PAK3: variants seen among roughly 807,000 people sequenced by gnomAD.
The protein encoded by PAK3 is serine/threonine-protein kinase PAK 3.
Under a neutral mutation model 41.0 loss-of-function variants are expected in PAK3, and 4 were observed. The observed-to-expected ratio is 0.10, with a 90% CI of 0.05 to 0.22. PAK3 has a LOEUF of 0.22. PAK3 is among the 10% of genes least tolerant of loss of function. The pLI, the probability that PAK3 is intolerant of heterozygous loss-of-function variation, is 1.00. For synonymous variants in PAK3, 146 were observed against 139.6 expected, an observed-to-expected ratio of 1.05 and a Z score of -0.32; for missense variants, 205 against 409.9, an observed-to-expected ratio of 0.50 and a Z score of 4.32.
chrX:111,054,914 G>T (rs993985074), intron 1 of PAK3, among the ~76,000 whole-genome samples: 1 of 111,576 alleles, frequency 9.0e-6, no homozygotes, highest in Admixed American at 9.5e-5. Context: ...ATACTGATTG[G>T]TCAGTGTCCA....
At chrX:111,083,251 C>A (rs1844776494) in intron 1 of PAK3, among the ~76,000 whole-genome samples, 1 of 112,179 alleles carries the variant, frequency 8.9e-6, no homozygotes, top group African/African-American at 3.2e-5. Context: ...AATCAAAATA[C>A]AGCACAGAAA....
intron 1 of PAK3, among the ~76,000 whole-genome samples, chrX:111,083,700 T>C (rs760958566): frequency 1.8e-5 from 2 of 112,816 alleles, no homozygotes; most frequent in East Asian, 5.6e-4. Context: ...CTCTTTGATC[T>C]ACTGCTACAA....
At chrX:111,129,513 T>C (rs1603278782) in intron 5 of PAK3, among the ~76,000 whole-genome samples, 1 of 111,156 alleles carries the variant, frequency 9.0e-6, no homozygotes, top group East Asian at 2.8e-4. Context: ...GAGTCTCTTG[T>C]ACTACTCCTT....
rs780538892 is a variant in PAK3 at position 111,054,003 on chromosome X, G to C, written c.-27-69074G>C. ...TTACACAATCTGGATACTGGCCTTT[G>C]TGGCCTACCCAGCCACTCTTTACTC... On this transcript the variant is annotated intron_variant, in intron 1 of 14. Transcript: ENST00000425146. Among the ~76,000 whole-genome samples, 269 of 112,123 alleles carry C rather than the reference G, an allele frequency of 2.4e-3. 2 individuals carry two copies. The highest frequency in any genetic ancestry group is 7.7e-3 in the African/African-American group (236 of 30,849).
chrX:111,034,513 T>G (rs1319022404), intron 1 of PAK3, among the ~76,000 whole-genome samples: 1 of 111,857 alleles, frequency 8.9e-6, no homozygotes, highest in African/African-American at 3.3e-5. Context: ...ACAGTGATGC[T>G]TCTGTTTCAG....
intron 1 of PAK3, among the ~76,000 whole-genome samples, chrX:111,089,923 C>T (rs530690849): frequency 2.7e-5 from 3 of 110,927 alleles, no homozygotes; most frequent in Non-Finnish European, 3.8e-5. Context: ...CCAAGTTTGA[C>T]TCACCTATGT....
rs1435306962 is a variant in PAK3 at position 111,220,958 on chromosome X, A to AC, written c.*511_*512insC. ...AAAAAAGCAAGGCAAAAAAAAAAAA[A>AC]AAAACAAACAAAAACAAAAACAAAA... On this transcript the variant is annotated 3_prime_UTR_variant, in exon 18 of 18. Transcript: ENST00000372007. The AC allele has an allele frequency of 9.0e-6, 1 of 110,865 alleles. No individual in the cohort carries two copies. Among genetic ancestry groups the AC allele is most frequent in the African/African-American group, 3.3e-5 (1 of 29,949 alleles). 9.1% of individuals were successfully genotyped at this position (110,865 alleles called of 1,213,427 possible). A position where few individuals can be genotyped will look rare whatever the true frequency, so the allele number is the denominator to read the frequency against.
chrX:111,138,245 C>T (rs140482724), intron 5 of PAK3, among the ~76,000 whole-genome samples: 19,033 of 109,936 alleles, frequency 0.17, 3,419 homozygotes, highest in African/African-American at 0.55. Context: ...ATGACTGTTG[C>T]GGAGATTAAA....
chrX:111,151,142 A>T (rs1407514171), intron 7 of PAK3, among the ~76,000 whole-genome samples: 4 of 112,158 alleles, frequency 3.6e-5, no homozygotes, highest in African/African-American at 6.5e-5. Flanking sequence ...TATCTAAGAG[A>T]TCCTGGTGAT....
At chrX:110,983,752 C>T (rs756135551) in intron 1 of PAK3, among the ~76,000 whole-genome samples, 7 of 111,352 alleles carry the variant, frequency 6.3e-5, no homozygotes, top group Non-Finnish European at 1.3e-4. Flanking sequence ...GATGATCTGC[C>T]ACCATAGGTG....
intron 3 of PAK3, among the ~76,000 whole-genome samples, chrX:111,100,998 G>A (rs1168710539): frequency 8.9e-6 from 1 of 111,889 alleles, no homozygotes. Flanking sequence ...GACACAATAC[G>A]AATTAGACAC....
At chrX:111,092,067 C>G (rs1385381339), upstream of PAK3, among the ~76,000 whole-genome samples, 1 of 111,308 alleles carries the variant, frequency 9.0e-6, no homozygotes, top group Non-Finnish European at 1.9e-5. Context: ...CAGTGCCTGC[C>G]CAGGTATGGC....
At chrX:111,096,869 TACACACACACACACACACACACACAC>T (rs771301130) in intron 1 of PAK3, 1 of 72,207 alleles carries the variant, frequency 1.4e-5, no homozygotes, top group African/African-American at 5.2e-5. Context: ...CCCCGCCCCT[TACACACACACACACACACACACACAC>T]ACACACACAC....
chrX:111,119,018 C>G (rs1010889969), intron 4 of PAK3, among the ~76,000 whole-genome samples: 3 of 111,373 alleles, frequency 2.7e-5, no homozygotes, highest in African/African-American at 9.8e-5. Context: ...GAAGGTCACT[C>G]TGTATGTGTT....
intron 1 of PAK3, among the ~76,000 whole-genome samples, chrX:111,074,989 A>C (rs759476407): frequency 1.1e-4 from 12 of 112,145 alleles, no homozygotes; most frequent in Non-Finnish European, 1.7e-4. Context: ...ATTTCTAAGC[A>C]GCAAAGTGTT....
chrX:110,995,336 A>G (rs773850029), intron 1 of PAK3, among the ~76,000 whole-genome samples: 4 of 111,406 alleles, frequency 3.6e-5, no homozygotes, highest in Non-Finnish European at 7.5e-5. Flanking sequence ...CATGGCATAC[A>G]TATTCCAACC....
At chrX:111,105,023 TCA>T (rs1304155150) in intron 4 of PAK3, among the ~76,000 whole-genome samples, 2 of 111,546 alleles carry the variant, frequency 1.8e-5, no homozygotes, top group African/African-American at 6.5e-5. Context: ...TCTTGTACAT[TCA>T]CACAGTCACA....
At chrX:110,952,327 G>T (rs1051286804) in intron 1 of PAK3, among the ~76,000 whole-genome samples, 1 of 111,544 alleles carries the variant, frequency 9.0e-6, no homozygotes, top group African/African-American at 3.3e-5. Flanking sequence ...TCCTTTGGAG[G>T]TGGCAGGGCA....
chrX:111,190,942 G>A (rs1164531520), intron 11 of PAK3, among the ~76,000 whole-genome samples: 2 of 112,013 alleles, frequency 1.8e-5, no homozygotes, highest in African/African-American at 3.2e-5. Flanking sequence ...GGTGTTGGTG[G>A]GAGGTGGTTT....
Sources: gnomAD v4.1 joint callset for allele counts (sites outside exome capture counted in the v4.1 genomes callset) on GRCh38, gnomAD v4.1.1 for gene constraint, MANE v1.5 for transcripts, NCBI Gene and HGNC (gene_info 2026-07-23, HGNC 2026-07-21) for gene names.